ODF2: variants seen among roughly 807,000 people sequenced by gnomAD.
The protein encoded by ODF2 is outer dense fiber of sperm tails 2, also known as outer dense fiber protein 2.
In ODF2, 47 loss-of-function variants were observed where a neutral mutation model predicts 110.2. The ratio of observed to expected loss-of-function variants is 0.43; its 90% confidence interval spans 0.34 to 0.54. ODF2 has a LOEUF of 0.54. ODF2 is among the 20% of genes least tolerant of loss of function. ODF2 has a pLI of 0.03. For missense variants in ODF2, 812 were observed against 1,054.5 expected (o/e 0.77, Z 3.19); for synonymous variants, 352 against 397.7 (o/e 0.89, Z 1.37).
At chr9:128,456,136 G>C (rs756570905), upstream of ODF2, 2 of 1,548,116 alleles carry the variant, frequency 1.3e-6, no homozygotes, top group Admixed American at 2.0e-5. Context: ...GGCGGAAGCG[G>C]GGAGGAGCCG....
intron 1 of ODF2, chr9:128,456,530 T>C (rs1834827524): frequency 6.5e-7 from 1 of 1,527,302 alleles, no homozygotes; most frequent in African/African-American, 1.4e-5. Context: ...CGGGCAGGGC[T>C]TCACCTTTCT....
At chr9:128,472,183 G>A (rs1840190549) in intron 6 of ODF2, among the ~76,000 whole-genome samples, 1 of 152,118 alleles carries the variant, frequency 6.6e-6, no homozygotes, top group African/African-American at 2.4e-5. Context: ...TGGAGGCTGA[G>A]GCAGGAGAAC....
At chr9:128,457,069 C>T (rs1835061416) in intron 1 of ODF2, 2 of 1,325,448 alleles carry the variant, frequency 1.5e-6, no homozygotes, top group African/African-American at 1.5e-5. Context: ...CCCCGGTAGC[C>T]ACCGGCAGTC....
intron 8 of ODF2, among the ~76,000 whole-genome samples, chr9:128,476,623 G>A (rs1194896642): frequency 6.6e-6 from 1 of 150,476 alleles, no homozygotes; most frequent in Non-Finnish European, 1.5e-5. Context: ...TTTTAACATT[G>A]TCAACCTTGT....
chr9:128,486,161 C>T (rs747678708), intron 13 of ODF2, among the ~76,000 whole-genome samples: 2 of 152,156 alleles, frequency 1.3e-5, no homozygotes, highest in Non-Finnish European at 2.9e-5. Context: ...GATAGGGCTA[C>T]AAGAGGCATG....
At chr9:128,457,275 C>T in exon 2 of ODF2, 1 of 1,602,574 alleles carries the variant, frequency 6.2e-7, no homozygotes, top group Non-Finnish European at 8.5e-7. Flanking sequence ...AAGCTTCCAC[C>T]CTTCTCCCCT....
chr9:128,472,131 T>G (rs1425509770), intron 6 of ODF2, among the ~76,000 whole-genome samples: 1 of 151,984 alleles, frequency 6.6e-6, no homozygotes, highest in Non-Finnish European at 1.5e-5. Context: ...ATACAAAAAT[T>G]AAGCCGGGCG....
chr9:128,480,499 A>G (rs1168648565), intron 8 of ODF2, among the ~76,000 whole-genome samples: 2 of 152,220 alleles, frequency 1.3e-5, no homozygotes, highest in African/African-American at 2.4e-5. Context: ...GTTCAAATTT[A>G]TATCTCAATA....
intron 18 of ODF2, chr9:128,497,446 A>AAAATATAT (rs1554857542): frequency 1.9e-4 from 8 of 42,582 alleles, no homozygotes; most frequent in Non-Finnish European, 2.9e-4. Context: ...AAAAAAAAAA[A>AAAATATAT]ATATATATAT....
intron 15 of ODF2, 51 bp from the exon 16 acceptor site, chr9:128,492,650 C>A: frequency 6.3e-7 from 1 of 1,580,314 alleles, no homozygotes; most frequent in Non-Finnish European, 8.7e-7. Context: ...AGATGGTTTT[C>A]ATCAAAACGT....
chr9:128,484,125 CA>C, intron 11 of ODF2, 71 bp downstream of exon 11: 1 of 1,086,620 alleles, frequency 9.2e-7, no homozygotes, highest in Admixed American at 1.7e-5. Context: ...CGGCCTGGCC[CA>C]GATATCACAC....
chr9:128,481,046 A>T (rs551340140), intron 8 of ODF2, among the ~76,000 whole-genome samples: 217 of 152,242 alleles, frequency 1.4e-3, no homozygotes, highest in Admixed American at 1.8e-3. Context: ...GAGAAAAAGG[A>T]TGGGAAGGAT....
At position 128,485,884 on chromosome 9, in the gene ODF2, T is replaced by A. The variant is rs545793663; in HGVS notation, c.1400+410T>A. ...TTGTCTGTCCAGGGACAGCAGCTGT[T>A]TGCCAGTGCCTGCCAGTCAGTAGGT... On this transcript the variant is annotated intron_variant, in intron 13 of 20. Coordinates refer to ENST00000604420, the Ensembl canonical transcript of ODF2. This position sits in a 1 kb window ranked among gnomAD's most constrained non-coding sequence, Gnocchi z 5.0. Among the ~76,000 whole-genome samples, 1 of 152,116 alleles carries A rather than the reference T, an allele frequency of 6.6e-6. No homozygotes were observed. The highest frequency in any genetic ancestry group is 2.1e-4 in the South Asian group (1 of 4,824).
intron 4 of ODF2, among the ~76,000 whole-genome samples, chr9:128,463,913 C>T (rs369626865): frequency 2.6e-5 from 4 of 152,074 alleles, no homozygotes; most frequent in East Asian, 1.9e-4. Flanking sequence ...GACGCAATCT[C>T]GGCTCACTGC....
In ODF2 at chr9:128,472,117, A is replaced by G. The variant is rs1840158309; in HGVS notation, c.581+649A>G. Reference sequence around the variant, plus strand: ...AACATGGTGAAACCCTGTCTCTACTAAAAATACAAAAATTAAGCCGGGCGT... The same window carrying G: ...AACATGGTGAAACCCTGTCTCTACTGAAAATACAAAAATTAAGCCGGGCGT... On this transcript the variant is annotated intron_variant, in intron 6 of 20. Transcript: ENST00000604420. 2.0e-5 allele frequency among the ~76,000 whole-genome samples: 3 copies of G among 152,110 alleles called. 1 individual carries two copies. In the South Asian group the frequency reaches 6.2e-4, roughly 31 times the overall value.
At chr9:128,455,997 C>T (rs28372669), upstream of ODF2, 13,369 of 1,416,902 alleles carry the variant, frequency 9.4e-3, 268 homozygotes, top group East Asian at 0.09. Flanking sequence ...CGGAAGTGGG[C>T]GGCCCTTCTG....
intron 4 of ODF2, 143 bp downstream of exon 4, chr9:128,461,210 A>G: frequency 9.6e-7 from 1 of 1,044,956 alleles, no homozygotes; most frequent in Non-Finnish European, 1.4e-6. Flanking sequence ...AAACCCTGAA[A>G]CTATGTGAAT....
At chr9:128,469,413 T>C in intron 5 of ODF2, 60 bp downstream of exon 5, 1 of 1,550,756 alleles carries the variant, frequency 6.4e-7, no homozygotes, top group East Asian at 2.2e-5. Context: ...AGCACCCAGG[T>C]GGATTTCCTG....
At chr9:128,474,059 T>C (rs1840684464) in intron 8 of ODF2, among the ~76,000 whole-genome samples, 1 of 152,142 alleles carries the variant, frequency 6.6e-6, no homozygotes, top group African/African-American at 2.4e-5. Flanking sequence ...AAGAGAATGA[T>C]TAATGGCTGG....
Sources: gnomAD v4.1 joint callset for allele counts (sites outside exome capture counted in the v4.1 genomes callset) on GRCh38, gnomAD v4.1.1 for gene constraint, Gnocchi (gnomAD v3.1) non-coding constraint, MANE v1.5 for transcripts, NCBI Gene and HGNC (gene_info 2026-07-23, HGNC 2026-07-21) for gene names.